The following GFPT1 variants were observed in gnomAD, a reference collection of about 807,000 sequenced individuals.
The protein encoded by GFPT1 is glutamine--fructose-6-phosphate transaminase 1.
In GFPT1, 40 loss-of-function variants were observed where a neutral mutation model predicts 92.0. That is an observed-to-expected ratio of 0.43 (90% CI 0.34 to 0.57). The LOEUF (loss-of-function observed/expected upper bound fraction) is 0.57. Among genes scored for constraint, GFPT1 ranks in the 20% least tolerant of loss-of-function variants. The pLI, the probability that GFPT1 is intolerant of heterozygous loss-of-function variation, is 0.02. For synonymous variants in GFPT1, 269 were observed against 280.6 expected, an observed-to-expected ratio of 0.96 and a Z score of 0.41; for missense variants, 448 against 869.1, an observed-to-expected ratio of 0.52 and a Z score of 6.09.
At chr2:69,347,535 T>A (rs1047206588) in intron 11 of GFPT1, among the ~76,000 whole-genome samples, 10 of 150,502 alleles carry the variant, frequency 6.6e-5, no homozygotes, top group African/African-American at 2.5e-4. Flanking sequence ...TGGAGTGCAA[T>A]GGCGCAATCT....
intron 9 of GFPT1, 49 bp downstream of exon 9, chr2:69,354,210 A>C: frequency 7.7e-7 from 1 of 1,291,278 alleles, no homozygotes; most frequent in Non-Finnish European, 1.1e-6. Flanking sequence ...GTAAAGAATA[A>C]ACAAAAGAGG....
intron 13 of GFPT1, among the ~76,000 whole-genome samples, chr2:69,340,075 C>A (rs1046793789): frequency 6.6e-6 from 1 of 150,534 alleles, no homozygotes; most frequent in Admixed American, 6.6e-5. Context: ...AAGTAATAAA[C>A]CCCAAAAAAG....
At chr2:69,352,091 G>C (rs1049203933) in intron 9 of GFPT1, among the ~76,000 whole-genome samples, 11 of 151,266 alleles carry the variant, frequency 7.3e-5, no homozygotes, top group Non-Finnish European at 1.3e-4. Flanking sequence ...GTGAAACCTC[G>C]TCTCTACTAA....
rs1205225043 is a variant in GFPT1 at position 69,343,415 on chromosome 2, T to C, written c.1106-1166A>G. On this transcript the variant is annotated intron_variant, in intron 12 of 19. Coordinates refer to ENST00000357308, the MANE Select transcript of GFPT1 (RefSeq NM_001244710.2). Reference sequence around the variant, plus strand: ...CCCCTGCTCTCTTCATCTCCTCACCTTTTTTTTTTTTTTGAGACAGAGTCT... The same window carrying C: ...CCCCTGCTCTCTTCATCTCCTCACCCTTTTTTTTTTTTTGAGACAGAGTCT... 4.7e-5 allele frequency among the ~76,000 whole-genome samples: 6 copies of C among 128,744 alleles called. No individual in the cohort carries two copies. The East Asian group carries it at 6.6e-4, about 14-fold the overall frequency. 84.5% of individuals were successfully genotyped at this position (128,744 alleles called of 152,430 possible).
chr2:69,356,922 A>G (rs888508448), intron 6 of GFPT1, among the ~76,000 whole-genome samples: 2 of 152,052 alleles, frequency 1.3e-5, no homozygotes, highest in African/African-American at 4.8e-5. Flanking sequence ...TAATAGAGAC[A>G]GGGTTTCACC....
intron 2 of GFPT1, among the ~76,000 whole-genome samples, chr2:69,372,231 G>C (rs1453600174): frequency 6.7e-6 from 1 of 148,872 alleles, no homozygotes; most frequent in African/African-American, 2.5e-5. Flanking sequence ...AGATTGATGA[G>C]TCAGAGCTCA....
In GFPT1 at chr2:69,324,597, GAC is replaced by G. The variant is rs1670487138; in HGVS notation, c.*1590_*1591del. ...ATAACAAATCTTTCTCTAACCCTAA[GAC>G]ACAAGCAGAATTCTATGCTTCTCTG... On this transcript the variant is annotated 3_prime_UTR_variant, in exon 20 of 20. Coordinates refer to ENST00000357308, the MANE Select transcript of GFPT1 (RefSeq NM_001244710.2). 6.6e-6 allele frequency: 1 copy of G among 151,874 alleles called. No individual in the cohort carries two copies. Among genetic ancestry groups the G allele is most frequent in the African/African-American group, 2.4e-5 (1 of 41,328 alleles). 9.4% of individuals were successfully genotyped at this position (151,874 alleles called of 1,614,324 possible).
At chr2:69,329,085 C>A (rs1306278717) in intron 17 of GFPT1, among the ~76,000 whole-genome samples, 2 of 152,122 alleles carry the variant, frequency 1.3e-5, no homozygotes, top group African/African-American at 4.8e-5. Flanking sequence ...CTTGCTAAAT[C>A]CAAGTTTATC....
rs149577692 is a variant in GFPT1 at position 69,333,132 on chromosome 2, C to T, written c.1483-3334G>A. Among the ~76,000 whole-genome samples the T allele has an allele frequency of 4.1e-4, 62 of 152,196 alleles. 1 individual carries two copies. Among genetic ancestry groups the T allele is most frequent in the African/African-American group, 1.4e-3 (59 of 41,530 alleles). On this transcript the variant is annotated intron_variant, in intron 15 of 19. Transcript: ENST00000357308. ...CTATATTCTAAATTCCAGACTCTTC[C>T]AGTCTACTTCTTCCTACTGTGGTTT... is the stretch of plus-strand genomic sequence containing the variant.
intron 15 of GFPT1, among the ~76,000 whole-genome samples, chr2:69,337,083 T>A (rs1434181051): frequency 8.1e-6 from 1 of 123,808 alleles, no homozygotes; most frequent in Non-Finnish European, 1.7e-5. Flanking sequence ...TTTTTTTTTT[T>A]AGATGGACTC....
At chr2:69,350,851 C>T (rs1050793785) in intron 9 of GFPT1, among the ~76,000 whole-genome samples, 1 of 148,198 alleles carries the variant, frequency 6.7e-6, no homozygotes, top group Non-Finnish European at 1.5e-5. Context: ...TGCAGTGAGC[C>T]GAAATCACAC....
chr2:69,337,548 G>A (rs527240761), intron 15 of GFPT1, among the ~76,000 whole-genome samples: 1 of 152,322 alleles, frequency 6.6e-6, no homozygotes, highest in East Asian at 1.9e-4. Flanking sequence ...AGAAGGGGAT[G>A]TTATATACTT....
At chr2:69,385,516 C>G (rs1672109484) in intron 1 of GFPT1, among the ~76,000 whole-genome samples, 1 of 149,426 alleles carries the variant, frequency 6.7e-6, no homozygotes, top group Non-Finnish European at 1.5e-5. Flanking sequence ...GGAGCCACCA[C>G]GCCCAGCGCT....
chr2:69,326,724 T>C (rs921442289), intron 19 of GFPT1, among the ~76,000 whole-genome samples, 190 bp downstream of exon 19: 8 of 152,114 alleles, frequency 5.3e-5, no homozygotes, highest in Non-Finnish European at 1.0e-4. Flanking sequence ...AACCCCAAGG[T>C]TCCTTCAAGT....
At chr2:69,329,508 T>C (rs1416963744) in intron 16 of GFPT1, 84 bp from the exon 17 acceptor site, 4 of 1,108,722 alleles carry the variant, frequency 3.6e-6, no homozygotes, top group Non-Finnish European at 5.4e-6. Context: ...AAAAGACCAG[T>C]GTTTCTATTC....
intron 4 of GFPT1, among the ~76,000 whole-genome samples, chr2:69,361,079 G>A (rs1311089061): frequency 6.6e-6 from 1 of 152,066 alleles, no homozygotes; most frequent in Non-Finnish European, 1.5e-5. Flanking sequence ...TATTTTGGCT[G>A]ACAGTAATTA....
At chr2:69,369,948 G>T in intron 3 of GFPT1, 53 bp downstream of exon 3, 1 of 994,832 alleles carries the variant, frequency 1.0e-6, no homozygotes, top group Non-Finnish European at 1.6e-6. Context: ...AGAATGGGGA[G>T]GGGAAAAGGA....
intron 6 of GFPT1, among the ~76,000 whole-genome samples, chr2:69,357,973 C>T (rs1043737334): frequency 3.3e-5 from 5 of 152,166 alleles, no homozygotes; most frequent in Admixed American, 1.3e-4. Flanking sequence ...GAAGAACACT[C>T]GGATGAGCAA....
chr2:69,329,500 A>C, intron 16 of GFPT1, 76 bp from the exon 17 acceptor site: 1 of 1,179,488 alleles, frequency 8.5e-7, no homozygotes, highest in Non-Finnish European at 1.2e-6. Flanking sequence ...CAAATAACAA[A>C]AGACCAGTGT....
Sources: gnomAD v4.1 joint callset for allele counts (sites outside exome capture counted in the v4.1 genomes callset) on GRCh38, gnomAD v4.1.1 for gene constraint, MANE v1.5 for transcripts, NCBI Gene and HGNC (gene_info 2026-07-23, HGNC 2026-07-21) for gene names.